The following ZNF385D variants were observed in gnomAD, a reference collection of about 807,000 sequenced individuals.
ZNF385D encodes zinc finger protein 385D.
A neutral mutation model predicts 35.8 loss-of-function variants in ZNF385D; 15 were observed. The ratio of observed to expected loss-of-function variants is 0.42; its 90% CI spans 0.28 to 0.64. The LOEUF (loss-of-function observed/expected upper bound fraction) is 0.64, where lower values mean the gene tolerates loss of function less well. ZNF385D is among the 30% of genes least tolerant of loss of function. The pLI is 0.23. For synonymous variants in ZNF385D, 212 were observed against 186.8 expected (o/e 1.13, Z -1.10); for missense variants, 474 against 494.6 (o/e 0.96, Z 0.39).
chr3:22,327,790 T>C (rs1374999685), intron 2 of ZNF385D, among the ~76,000 whole-genome samples: 1 of 152,214 alleles, frequency 6.6e-6, no homozygotes, highest in East Asian at 1.9e-4. Flanking sequence ...AGATGTGATT[T>C]ATCGACTTTG....
At position 21,419,765 on chromosome 3, in the gene ZNF385D, G is replaced by A. The variant is rs1700659879; in HGVS notation, c.*1449C>T. 6.6e-6 allele frequency: 1 copy of A among 151,900 alleles called. No individual in the cohort carries two copies. Among genetic ancestry groups the A allele is most frequent in the African/African-American group, 2.4e-5 (1 of 41,392 alleles). The allele number at this position is 151,900 out of a possible 1,614,324, so 9.4% of individuals were successfully genotyped here. A position where few individuals can be genotyped will look rare whatever the true frequency, so the allele number is the denominator to read the frequency against. On this transcript the variant is annotated 3_prime_UTR_variant, in exon 8 of 8. Coordinates refer to ENST00000281523, the MANE Select transcript of ZNF385D (RefSeq NM_024697.3). ...TTATGCCATTTGTTACCAATTTAAT[G>A]ATAACATGTAACACTGGATGGTTAT...
intron 1 of ZNF385D, among the ~76,000 whole-genome samples, chr3:21,729,086 A>T (rs1323954777): frequency 1.3e-5 from 2 of 152,164 alleles, no homozygotes; most frequent in Non-Finnish European, 2.9e-5. Context: ...TTCTGAGTAC[A>T]GAAATAAAAA....
chr3:22,026,848 C>T (rs1697586528), intron 3 of ZNF385D, among the ~76,000 whole-genome samples: 1 of 152,190 alleles, frequency 6.6e-6, no homozygotes, highest in African/African-American at 2.4e-5. Context: ...CCACCACGTC[C>T]CCATTCAACT....
Position 21,815,054 on chromosome 3 carries a change from G to C in ZNF385D, c.326-150026C>G, listed in dbSNP as rs190105246. 2.0e-3 allele frequency among the ~76,000 whole-genome samples: 307 copies of C among 152,290 alleles called. 1 individual carries two copies. Among genetic ancestry groups the C allele is most frequent in the Non-Finnish European group, 4.0e-3 (273 of 68,016 alleles). On this transcript the variant is annotated intron_variant, in intron 3 of 5. Transcript: ENST00000494108. ...TCACTCAAAACTGCACAACTACATGGAAACTGAACAACCTGCTCCTGAATG... is the reference window on the plus strand; with the variant it reads ...TCACTCAAAACTGCACAACTACATGCAAACTGAACAACCTGCTCCTGAATG...
At chr3:22,296,216 A>AAC (rs1702569125) in intron 2 of ZNF385D, among the ~76,000 whole-genome samples, 1 of 152,164 alleles carries the variant, frequency 6.6e-6, no homozygotes, top group Admixed American at 6.5e-5. Flanking sequence ...ATGGGCCTTA[A>AAC]ACAATTGTGT....
chr3:21,695,636 T>C (rs1344694418), intron 1 of ZNF385D, among the ~76,000 whole-genome samples: 6 of 152,108 alleles, frequency 3.9e-5, no homozygotes, highest in South Asian at 2.1e-4. Flanking sequence ...TACAACACCA[T>C]AGAGAAAATT....
At chr3:21,807,314 T>A (rs2072695727) in intron 3 of ZNF385D, among the ~76,000 whole-genome samples, 1 of 152,212 alleles carries the variant, frequency 6.6e-6, no homozygotes, top group Non-Finnish European at 1.5e-5. Context: ...AGTGTTTTAA[T>A]ACTACCACAG....
chr3:21,650,847 T>A (rs2065889178), intron 2 of ZNF385D, among the ~76,000 whole-genome samples: 1 of 152,164 alleles, frequency 6.6e-6, no homozygotes, highest in South Asian at 2.1e-4. Flanking sequence ...AAGTAACACC[T>A]AAACTGAGAG....
At chr3:22,300,388 ATTT>A (rs34889320) in intron 2 of ZNF385D, among the ~76,000 whole-genome samples, 3 of 147,202 alleles carry the variant, frequency 2.0e-5, no homozygotes, top group East Asian at 2.0e-4. Context: ...CTGGGCAATG[ATTT>A]TTTTTTTTTT....
At chr3:21,916,627 A>AT (rs1482460494) in intron 3 of ZNF385D, among the ~76,000 whole-genome samples, 2 of 152,194 alleles carry the variant, frequency 1.3e-5, no homozygotes, top group African/African-American at 2.4e-5. Flanking sequence ...TTGTAACTGT[A>AT]TTTTTAACAC....
At chr3:21,983,090 T>A (rs1694585134) in intron 3 of ZNF385D, among the ~76,000 whole-genome samples, 1 of 151,640 alleles carries the variant, frequency 6.6e-6, no homozygotes, top group Non-Finnish European at 1.5e-5. Flanking sequence ...GGTATCAAGA[T>A]GTTGTTGGCC....
intron 3 of ZNF385D, among the ~76,000 whole-genome samples, chr3:22,109,708 T>C (rs1228555666): frequency 6.6e-6 from 1 of 152,074 alleles, no homozygotes; most frequent in Non-Finnish European, 1.5e-5. Flanking sequence ...TTAGGATAGT[T>C]CAACTCTGGG....
chr3:22,085,297 T>C (rs1201191350), intron 3 of ZNF385D, among the ~76,000 whole-genome samples: 1 of 152,132 alleles, frequency 6.6e-6, no homozygotes, highest in Non-Finnish European at 1.5e-5. Context: ...AGAAGCTGGT[T>C]TTTTGAAAAG....
At chr3:21,885,734 C>CTG (rs773651077) in intron 3 of ZNF385D, among the ~76,000 whole-genome samples, 1,834 of 131,914 alleles carry the variant, frequency 0.014, 31 homozygotes, top group East Asian at 0.034. Context: ...CAGGGTGTGT[C>CTG]TGTGTCTGTG....
At chr3:21,767,264 C>T (rs2070870049) in intron 3 of ZNF385D, among the ~76,000 whole-genome samples, 2 of 152,074 alleles carry the variant, frequency 1.3e-5, no homozygotes, top group African/African-American at 4.8e-5. Context: ...GTGTAATCAT[C>T]CTACAAAATA....
intron 3 of ZNF385D, among the ~76,000 whole-genome samples, chr3:22,011,629 G>T (rs1696580136): frequency 6.6e-6 from 1 of 152,022 alleles, no homozygotes. Flanking sequence ...AGTAAATTAG[G>T]AAAGTTGTAT....
intron 2 of ZNF385D, among the ~76,000 whole-genome samples, chr3:22,285,116 G>A (rs9836572): frequency 2.6e-5 from 4 of 152,116 alleles, no homozygotes; most frequent in Non-Finnish European, 4.4e-5. Flanking sequence ...TTGATTAGAG[G>A]TAGTATTTCC....
At chr3:21,977,603 G>A (rs1050285553) in intron 3 of ZNF385D, among the ~76,000 whole-genome samples, 1 of 152,066 alleles carries the variant, frequency 6.6e-6, no homozygotes, top group East Asian at 1.9e-4. Context: ...AAGAGTGCTT[G>A]AGGACAGGAG....
At chr3:21,614,291 G>A (rs1559460785) in intron 2 of ZNF385D, among the ~76,000 whole-genome samples, 2 of 152,130 alleles carry the variant, frequency 1.3e-5, no homozygotes, top group African/African-American at 2.4e-5. Context: ...GGAGTCAAGA[G>A]ACTCTCTAGA....
Sources: allele counts gnomAD v4.1 joint callset (sites outside exome capture counted in the v4.1 genomes callset), GRCh38; gene constraint gnomAD v4.1.1; transcripts MANE v1.5; gene names NCBI Gene and HGNC (gene_info 2026-07-23, HGNC 2026-07-21).